The following DIP2C variants were observed in gnomAD, a reference collection of about 807,000 sequenced individuals.
DIP2C encodes the protein disco-interacting protein 2 homolog C.
DIP2C carries 33 observed loss-of-function variants against 192.4 expected under a neutral mutation model. That is an observed-to-expected ratio of 0.17 (90% CI 0.13 to 0.23). The LOEUF is 0.23. DIP2C is among the 10% of genes least tolerant of loss of function. The pLI, the probability that DIP2C is intolerant of heterozygous loss-of-function variation, is 1.00. For missense variants in DIP2C, 1,537 were observed against 2,110.1 expected (o/e 0.73, Z 5.32); for synonymous variants, 979 against 864.1 (o/e 1.13, Z -2.33).
At chr10:358,871 G>A (rs1589601233) in intron 22 of DIP2C, among the ~76,000 whole-genome samples, 1 of 149,734 alleles carries the variant, frequency 6.7e-6, no homozygotes, top group Non-Finnish European at 1.5e-5. Context: ...GAAGCAGGGA[G>A]AGTAAAAGAA....
chr10:689,394 G>T lies in DIP2C; in HGVS notation c.85+100C>A. On this transcript the variant is annotated intron_variant, in intron 1 of 36. Coordinates refer to ENST00000280886, the MANE Select transcript of DIP2C (RefSeq NM_014974.3). The surrounding 1 kb of genome is among the most constrained non-coding windows in gnomAD (Gnocchi z 6.1). Reference sequence around the variant, plus strand: ...GCTGGGGTCGCACCTCCCCCTCCGGGCCCGGCCCCCGCCCCGCCGCAGGCC... The same window carrying T: ...GCTGGGGTCGCACCTCCCCCTCCGGTCCCGGCCCCCGCCCCGCCGCAGGCC... 2 of 688,820 alleles carry T rather than the reference G, an allele frequency of 2.9e-6. No individual in the cohort carries two copies. The highest frequency in any genetic ancestry group is 3.6e-6 in the Non-Finnish European group (2 of 556,404). The allele number at this position is 688,820 out of a possible 1,614,324, so 42.7% of individuals were successfully genotyped here.
chr10:590,825 C>T (rs1851357821), intron 1 of DIP2C, among the ~76,000 whole-genome samples: 3 of 152,068 alleles, frequency 2.0e-5, no homozygotes, highest in African/African-American at 7.3e-5. Context: ...CTAAGGTCTC[C>T]ACCGCACCAG....
intron 3 of DIP2C, among the ~76,000 whole-genome samples, chr10:450,927 G>A (rs1380773493): frequency 6.6e-6 from 1 of 152,198 alleles, no homozygotes; most frequent in East Asian, 1.9e-4. Flanking sequence ...GTACAGGTCT[G>A]TATGTGCGTA....
chr10:562,071 C>T (rs12573812), intron 1 of DIP2C, among the ~76,000 whole-genome samples: 11,874 of 152,278 alleles, frequency 0.078, 1,122 homozygotes, highest in African/African-American at 0.23. Flanking sequence ...AATGTGTAAG[C>T]TTTACTGCAT....
chr10:448,021 A>G (rs1369975109), intron 3 of DIP2C, among the ~76,000 whole-genome samples: 3 of 89,554 alleles, frequency 3.3e-5, no homozygotes, highest in South Asian at 4.3e-4. Flanking sequence ...GCTCACTCCC[A>G]CTGATGCTCA....
At chr10:593,946 G>A (rs1243174303) in intron 1 of DIP2C, among the ~76,000 whole-genome samples, 1 of 152,206 alleles carries the variant, frequency 6.6e-6, no homozygotes, top group South Asian at 2.1e-4. Context: ...CTCTGTGTAG[G>A]AGTCCAGCAC....
At chr10:340,783 G>C (rs765276264) in intron 29 of DIP2C, 2 of 458,200 alleles carry the variant, frequency 4.4e-6, no homozygotes, top group Non-Finnish European at 4.4e-6. Flanking sequence ...ACTCACCTCT[G>C]GGCTTGCCCA....
intron 1 of DIP2C, among the ~76,000 whole-genome samples, chr10:520,769 C>T (rs1202953663): frequency 6.6e-6 from 1 of 152,216 alleles, no homozygotes; most frequent in Non-Finnish European, 1.5e-5. Flanking sequence ...TCTAAGACCC[C>T]TTGGGCTTTT....
At chr10:538,598 T>G (rs562151648) in intron 1 of DIP2C, among the ~76,000 whole-genome samples, 2 of 152,334 alleles carry the variant, frequency 1.3e-5, no homozygotes, top group African/African-American at 2.4e-5. Context: ...CTCTCAGATC[T>G]AAGTCAATGT....
intron 1 of DIP2C, among the ~76,000 whole-genome samples, chr10:571,984 G>A (rs1849844702): frequency 6.6e-6 from 1 of 152,192 alleles, no homozygotes; most frequent in Non-Finnish European, 1.5e-5. Context: ...TATGTTCTTG[G>A]TTTCATGTTT....
intron 1 of DIP2C, among the ~76,000 whole-genome samples, chr10:572,508 G>C (rs1433020831): frequency 6.6e-6 from 1 of 152,112 alleles, no homozygotes; most frequent in Non-Finnish European, 1.5e-5. Context: ...AAACAAAAGA[G>C]TACTGCCAGC....
chr10:549,483 TCAC>T (rs1217127033), intron 1 of DIP2C, among the ~76,000 whole-genome samples: 2 of 152,072 alleles, frequency 1.3e-5, no homozygotes, highest in African/African-American at 2.4e-5. Context: ...CCAATGAGCT[TCAC>T]CAACACCCCA....
intron 1 of DIP2C, among the ~76,000 whole-genome samples, chr10:520,225 C>G (rs1406025975): frequency 6.6e-6 from 1 of 152,134 alleles, no homozygotes; most frequent in Non-Finnish European, 1.5e-5. Flanking sequence ...CACGGGCCTT[C>G]AACAAGCAGC....
At chr10:650,369 A>G (rs760979008) in intron 1 of DIP2C, 47 of 717,172 alleles carry the variant, frequency 6.6e-5, no homozygotes, top group Admixed American at 1.6e-4. Context: ...GGCTGTGGAT[A>G]ACGCCAGCCC....
intron 1 of DIP2C, among the ~76,000 whole-genome samples, chr10:536,337 A>G (rs1847690737): frequency 1.3e-5 from 2 of 151,206 alleles, no homozygotes; most frequent in African/African-American, 4.8e-5. Flanking sequence ...AGAGCATGGT[A>G]TCTATCTGCA....
chr10:506,345 T>C (rs1165292802), intron 1 of DIP2C, among the ~76,000 whole-genome samples: 35 of 152,076 alleles, frequency 2.3e-4, no homozygotes, highest in African/African-American at 9.7e-5. Flanking sequence ...AGCTGTGCCA[T>C]GTCAGGGGTT....
At chr10:491,665 A>AC in intron 1 of DIP2C, among the ~76,000 whole-genome samples, 1 of 152,232 alleles carries the variant, frequency 6.6e-6, no homozygotes, top group East Asian at 1.9e-4. Flanking sequence ...TGGAGATAGC[A>AC]CCTATCTACT....
chr10:574,191 G>A (rs1850002293), intron 1 of DIP2C, among the ~76,000 whole-genome samples: 1 of 152,152 alleles, frequency 6.6e-6, no homozygotes, highest in East Asian at 1.9e-4. Flanking sequence ...TTTAGCAATA[G>A]GCTTTTTCTC....
chr10:479,652 TATCC>T (rs1166790049), intron 2 of DIP2C, among the ~76,000 whole-genome samples: 1 of 152,154 alleles, frequency 6.6e-6, no homozygotes, highest in Non-Finnish European at 1.5e-5. Flanking sequence ...TCCTCCTTTC[TATCC>T]ATCTTTCATG....
Sources: allele counts gnomAD v4.1 joint callset (sites outside exome capture counted in the v4.1 genomes callset), GRCh38; gene constraint gnomAD v4.1.1; non-coding constraint Gnocchi (gnomAD v3.1); transcripts MANE v1.5; gene names NCBI Gene and HGNC (gene_info 2026-07-23, HGNC 2026-07-21).